The following ENTPD3 variants were observed in gnomAD, a reference collection of about 807,000 sequenced individuals.
ENTPD3 encodes the protein ectonucleoside triphosphate diphosphohydrolase 3, also known as CD39 antigen-like 3.
Under a neutral mutation model 51.2 loss-of-function variants are expected in ENTPD3, and 60 were observed. The observed-to-expected ratio is 1.17, with a 90% CI of 0.95 to 1.45. The LOEUF is 1.45. ENTPD3 is among the 40% of genes most tolerant of loss of function. The pLI is 0.00. For missense variants in ENTPD3, 593 were observed against 641.1 expected, an observed-to-expected ratio of 0.93 and a Z score of 0.81; for synonymous variants, 221 against 238.4, an observed-to-expected ratio of 0.93 and a Z score of 0.67.
chr3:40,395,791 T>A (rs1955183875), intron 3 of ENTPD3, among the ~76,000 whole-genome samples: 1 of 152,188 alleles, frequency 6.6e-6, no homozygotes, highest in African/African-American at 2.4e-5. Context: ...TTCAGGCAGG[T>A]GGAAGATGGA....
At chr3:40,425,072 TCC>T (rs1388882479) in intron 10 of ENTPD3, 12 of 246,376 alleles carry the variant, frequency 4.9e-5, no homozygotes, top group African/African-American at 2.7e-4. Flanking sequence ...AGTTAAAAGT[TCC>T]CTTTTTTTAA....
Position 40,428,284 on chromosome 3 carries a change from C to G in ENTPD3, c.*776C>G, listed in dbSNP as rs530383341. 6.6e-6 allele frequency: 1 copy of G among 152,292 alleles called. No individual in the cohort carries two copies. The highest frequency in any genetic ancestry group is 1.5e-5 in the Non-Finnish European group (1 of 68,044). The allele number at this position is 152,292 out of a possible 1,614,324, so 9.4% of individuals were successfully genotyped here. ...TGCATTCCAGATTTTACTGCCTTTG[C>G]TAGGCTTTTGCTTAGCAAAGGGCTG... is the stretch of plus-strand genomic sequence containing the variant. On this transcript the variant is annotated 3_prime_UTR_variant, in exon 11 of 11. Transcript: ENST00000301825.
intron 5 of ENTPD3, among the ~76,000 whole-genome samples, chr3:40,414,054 G>C (rs1350152286): frequency 6.6e-6 from 1 of 152,124 alleles, no homozygotes; most frequent in Non-Finnish European, 1.5e-5. Flanking sequence ...GGGTAAAATG[G>C]CAGCAGATGG....
At chr3:40,424,108 C>T in intron 10 of ENTPD3, 145 bp downstream of exon 10, 1 of 1,476,606 alleles carries the variant, frequency 6.8e-7, no homozygotes, top group Non-Finnish European at 8.9e-7. Context: ...TTGTGAGTTT[C>T]CCAGAAGAGG....
chr3:40,391,910 A>C (rs2125587266), intron 2 of ENTPD3, 113 bp from the exon 3 acceptor site: 2 of 1,235,892 alleles, frequency 1.6e-6, no homozygotes, highest in East Asian at 2.3e-5. Flanking sequence ...CGCTAACACC[A>C]GAGAAGGTGG....
intron 4 of ENTPD3, among the ~76,000 whole-genome samples, chr3:40,401,331 A>G (rs1955351405): frequency 6.6e-6 from 1 of 152,228 alleles, no homozygotes; most frequent in Non-Finnish European, 1.5e-5. Flanking sequence ...TGGGTCAGAA[A>G]TAAAGGACAA....
At chr3:40,409,968 C>A (rs1027641646) in intron 4 of ENTPD3, among the ~76,000 whole-genome samples, 3 of 151,944 alleles carry the variant, frequency 2.0e-5, no homozygotes, top group African/African-American at 7.3e-5. Context: ...TTATTTTAAA[C>A]AAACATTGGT....
intron 6 of ENTPD3, 66 bp downstream of exon 6, chr3:40,414,906 T>C: frequency 2.0e-6 from 3 of 1,519,970 alleles, no homozygotes; most frequent in Non-Finnish European, 2.7e-6. Flanking sequence ...AGTGATAGCC[T>C]AAGTAGAGGT....
chr3:40,424,943 T>A (rs1270217996), intron 10 of ENTPD3: 1 of 584,352 alleles, frequency 1.7e-6, no homozygotes, highest in East Asian at 2.9e-5. Context: ...ATAAGGACTG[T>A]TGGTAGCATG....
At chr3:40,421,482 A>G (rs553284927) in intron 7 of ENTPD3, among the ~76,000 whole-genome samples, 59 of 152,352 alleles carry the variant, frequency 3.9e-4, no homozygotes, top group African/African-American at 1.4e-3. Flanking sequence ...TAGATTAAAG[A>G]TTGAATAGTC....
intron 3 of ENTPD3, among the ~76,000 whole-genome samples, chr3:40,396,963 C>A (rs1955215675): frequency 6.6e-6 from 1 of 152,160 alleles, no homozygotes; most frequent in Admixed American, 6.5e-5. Context: ...CTCCCATGCT[C>A]AGCCATTACT....
intron 7 of ENTPD3, among the ~76,000 whole-genome samples, chr3:40,422,487 C>T (rs1463371830): frequency 6.6e-6 from 1 of 151,020 alleles, no homozygotes; most frequent in Non-Finnish European, 1.5e-5. Context: ...AGGTATATCT[C>T]CTAATGCTAT....
At position 40,406,024 on chromosome 3, in the gene ENTPD3, A is replaced by G. The variant is rs112968280; in HGVS notation, c.286+5013A>G. On this transcript the variant is annotated intron_variant, in intron 4 of 10. Coordinates refer to ENST00000301825, the MANE Select transcript of ENTPD3 (RefSeq NM_001248.4). ...TGTGGTTATGTGTTATGAGACTTGC[A>G]TTCCAATGAGGAAGATAGACAAAAA... 3.2e-3 allele frequency among the ~76,000 whole-genome samples: 486 copies of G among 152,348 alleles called. 4 individuals carry two copies. Among genetic ancestry groups the G allele is most frequent in the African/African-American group, 0.011 (468 of 41,590 alleles).
intron 3 of ENTPD3, among the ~76,000 whole-genome samples, chr3:40,397,784 C>T (rs1955243362): frequency 6.6e-6 from 1 of 152,084 alleles, no homozygotes; most frequent in Non-Finnish European, 1.5e-5. Context: ...GTAATTTAAC[C>T]AGTTTCCTTA....
At chr3:40,395,171 C>G (rs1955167852) in intron 3 of ENTPD3, among the ~76,000 whole-genome samples, 1 of 152,194 alleles carries the variant, frequency 6.6e-6, no homozygotes, top group Non-Finnish European at 1.5e-5. Context: ...GCAGAAGCCT[C>G]TATTCATAAA....
chr3:40,400,824 T>C (rs2125593552), intron 3 of ENTPD3, 70 bp from the exon 4 acceptor site: 2 of 1,149,384 alleles, frequency 1.7e-6, no homozygotes, highest in South Asian at 1.3e-5. Flanking sequence ...GGGTTCTCAG[T>C]GGCCCACTGA....
intron 10 of ENTPD3, among the ~76,000 whole-genome samples, chr3:40,426,673 C>T (rs183506011): frequency 2.9e-4 from 44 of 152,130 alleles, no homozygotes; most frequent in Admixed American, 2.7e-3. Context: ...AAACACTACC[C>T]AAAAGAAAGC....
chr3:40,402,123 C>CTTTTTTTTTTTTTTT (rs58000344), intron 4 of ENTPD3, among the ~76,000 whole-genome samples: 7 of 95,024 alleles, frequency 7.4e-5, no homozygotes, highest in Non-Finnish European at 1.3e-4. Flanking sequence ...TTTTTTTTTT[C>CTTTTTTTTTTTTTTT]TTTTTTTTTT....
intron 5 of ENTPD3, among the ~76,000 whole-genome samples, chr3:40,413,751 A>C (rs182974221): frequency 9.8e-5 from 15 of 152,320 alleles, no homozygotes; most frequent in Non-Finnish European, 1.8e-4. Context: ...TTTCTTGTAA[A>C]ACTGTTTTCT....
Sources: allele counts gnomAD v4.1 joint callset (sites outside exome capture counted in the v4.1 genomes callset), GRCh38; gene constraint gnomAD v4.1.1; transcripts MANE v1.5; gene names NCBI Gene and HGNC (gene_info 2026-07-23, HGNC 2026-07-21).